CTNNA1: variants seen among roughly 807,000 people sequenced by gnomAD.
CTNNA1 encodes the protein catenin alpha 1.
A neutral mutation model predicts 98.4 loss-of-function variants in CTNNA1; 37 were observed. The observed-to-expected ratio is 0.38, with a 90% CI of 0.29 to 0.49. The LOEUF is 0.49. CTNNA1 is among the 20% of genes least tolerant of loss of function. The pLI, the probability that CTNNA1 is intolerant of heterozygous loss-of-function variation, is 0.95. For missense variants in CTNNA1, 761 were observed against 1,147.2 expected, an observed-to-expected ratio of 0.66 and a Z score of 4.86; for synonymous variants, 404 against 413.2, an observed-to-expected ratio of 0.98 and a Z score of 0.27.
At chr5:138,894,513 TC>T (rs1218114272) in intron 9 of CTNNA1, among the ~76,000 whole-genome samples, 2 of 152,014 alleles carry the variant, frequency 1.3e-5, no homozygotes, top group Admixed American at 1.3e-4. Context: ...ACTCAAGTGA[TC>T]CTTCCACCTT....
At chr5:138,814,792 C>T (rs958434623) in intron 5 of CTNNA1, among the ~76,000 whole-genome samples, 6 of 151,336 alleles carry the variant, frequency 4.0e-5, no homozygotes, top group East Asian at 2.0e-4. Context: ...CACATTCTGT[C>T]GCCCACGCTG....
chr5:138,814,250 CTT>C (rs201780214), intron 5 of CTNNA1, among the ~76,000 whole-genome samples: 12 of 136,636 alleles, frequency 8.8e-5, no homozygotes, highest in East Asian at 2.1e-4. Flanking sequence ...GCTCAGTGTG[CTT>C]TTTTTTTTTT....
At chr5:138,932,292 G>C in intron 16 of CTNNA1, 1 of 1,185,160 alleles carries the variant, frequency 8.4e-7, no homozygotes, top group African/African-American at 1.6e-5. Context: ...TTTCCCCGCC[G>C]TCATAGGAGG....
intron 1 of CTNNA1, among the ~76,000 whole-genome samples, chr5:138,768,744 T>C (rs567479201): frequency 9.2e-5 from 14 of 152,152 alleles, no homozygotes; most frequent in African/African-American, 2.9e-4. Flanking sequence ...CCTGGCTTGA[T>C]GATGTTTCTT....
At chr5:138,918,820 T>C (rs1277057807) in intron 11 of CTNNA1, among the ~76,000 whole-genome samples, 2 of 152,204 alleles carry the variant, frequency 1.3e-5, no homozygotes, top group Non-Finnish European at 2.9e-5. Flanking sequence ...GGCTAAGTTT[T>C]TGTAGGGCTG....
At chr5:138,928,421 T>C (rs1041874428) in intron 13 of CTNNA1, among the ~76,000 whole-genome samples, 1 of 152,226 alleles carries the variant, frequency 6.6e-6, no homozygotes, top group African/African-American at 2.4e-5. Flanking sequence ...AAGAATACTT[T>C]AAAATACATT....
chr5:138,810,464 A>C (rs1758566624), intron 4 of CTNNA1, among the ~76,000 whole-genome samples: 1 of 152,270 alleles, frequency 6.6e-6, no homozygotes, highest in Non-Finnish European at 1.5e-5. Context: ...CCCTTTTTCC[A>C]GTAATGATTA....
At chr5:138,813,016 T>C (rs189280969) in intron 5 of CTNNA1, among the ~76,000 whole-genome samples, 19 of 152,382 alleles carry the variant, frequency 1.2e-4, no homozygotes, top group Admixed American at 5.9e-4. Context: ...TGTTGTTAGC[T>C]AGTACCTTTA....
intron 7 of CTNNA1, among the ~76,000 whole-genome samples, chr5:138,865,180 T>C (rs1436907476): frequency 6.6e-6 from 1 of 152,192 alleles, no homozygotes; most frequent in African/African-American, 2.4e-5. Flanking sequence ...AGTAGGTGTT[T>C]ACTGGGTGTC....
intron 3 of CTNNA1, among the ~76,000 whole-genome samples, chr5:138,784,800 T>C (rs1475941868): frequency 2.6e-5 from 4 of 152,202 alleles, no homozygotes; most frequent in South Asian, 2.1e-4. Context: ...ATTCCTTGGC[T>C]TGCAGACATG....
rs112716454 is a variant in CTNNA1 at position 138,767,326 on chromosome 5, G to A, written c.-3+13816G>A. On this transcript the variant is annotated intron_variant, in intron 1 of 17. Coordinates refer to ENST00000302763, the MANE Select transcript of CTNNA1 (RefSeq NM_001903.5). ...GCTGGGATTACAGGCATGAGCCACC[G>A]CGCCAGGCTGAATTTCTTAGCTTTT... is the stretch of plus-strand genomic sequence containing the variant. Among the ~76,000 whole-genome samples the A allele has an allele frequency of 1.9e-3, 296 of 152,196 alleles. 2 individuals carry two copies. Among genetic ancestry groups the A allele is most frequent in the African/African-American group, 6.8e-3 (284 of 41,514 alleles).
chr5:138,828,199 G>A (rs1018141616), intron 7 of CTNNA1: 2 of 160,664 alleles, frequency 1.2e-5, no homozygotes, highest in African/African-American at 4.8e-5. Context: ...AGGGAATGTT[G>A]AAAACCTGCC....
intron 1 of CTNNA1, among the ~76,000 whole-genome samples, chr5:138,760,554 C>T (rs750496973): frequency 3.4e-4 from 51 of 151,786 alleles, no homozygotes; most frequent in Non-Finnish European, 4.9e-4. Flanking sequence ...TTAGTAGAAA[C>T]GGGGTTTCAC....
At chr5:138,756,985 A>T (rs1751724448) in intron 1 of CTNNA1, among the ~76,000 whole-genome samples, 1 of 151,818 alleles carries the variant, frequency 6.6e-6, no homozygotes, top group African/African-American at 2.4e-5. Flanking sequence ...GATCACTTGA[A>T]GCTAGGAGTT....
At chr5:138,882,020 G>C (rs1753007527) in intron 7 of CTNNA1, among the ~76,000 whole-genome samples, 1 of 152,214 alleles carries the variant, frequency 6.6e-6, no homozygotes, top group South Asian at 2.1e-4. Flanking sequence ...TTGCCACACA[G>C]ATTACACATG....
intron 1 of CTNNA1, among the ~76,000 whole-genome samples, chr5:138,766,892 G>GT (rs778502319): frequency 2.0e-5 from 3 of 152,108 alleles, no homozygotes; most frequent in Non-Finnish European, 4.4e-5. Flanking sequence ...CTTTACCTTT[G>GT]TTTTTTAGGG....
At chr5:138,928,973 T>A (rs28363482) in intron 13 of CTNNA1, among the ~76,000 whole-genome samples, 1 of 150,458 alleles carries the variant, frequency 6.6e-6, no homozygotes, top group African/African-American at 2.4e-5. Context: ...TACAAAGAAA[T>A]AGTGAATTGA....
intron 3 of CTNNA1, among the ~76,000 whole-genome samples, chr5:138,786,937 C>T (rs1561525496): frequency 6.6e-6 from 1 of 152,174 alleles, no homozygotes; most frequent in Non-Finnish European, 1.5e-5. Context: ...CTTCAGTGGT[C>T]CTGAGCATTT....
At chr5:138,786,681 G>C (rs1158150045) in intron 3 of CTNNA1, among the ~76,000 whole-genome samples, 1 of 152,134 alleles carries the variant, frequency 6.6e-6, no homozygotes, top group South Asian at 2.1e-4. Flanking sequence ...GCACTCAGGA[G>C]GTCCTGTGGA....
Sources: gnomAD v4.1 joint callset for allele counts (sites outside exome capture counted in the v4.1 genomes callset) on GRCh38, gnomAD v4.1.1 for gene constraint, MANE v1.5 for transcripts, NCBI Gene and HGNC (gene_info 2026-07-23, HGNC 2026-07-21) for gene names.